LCOR: variants seen among roughly 807,000 people sequenced by gnomAD.
LCOR encodes the protein ligand dependent nuclear receptor corepressor, also known as ligand-dependent corepressor.
A neutral mutation model predicts 64.4 loss-of-function variants in LCOR; 14 were observed. The ratio of observed to expected loss-of-function variants is 0.22; its 90% CI spans 0.14 to 0.34. The LOEUF is 0.34. Ranked by LOEUF, LCOR falls within the 10% of genes least tolerant of loss-of-function variation. LCOR has a pLI of 1.00. For synonymous variants in LCOR, 643 were observed against 642.5 expected (o/e 1.00, Z -0.01); for missense variants, 1,686 against 1,765.3 (o/e 0.96, Z 0.80).
intron 4 of LCOR, among the ~76,000 whole-genome samples, chr10:96,911,144 C>CTGGGA (rs1320388500): frequency 2.2e-5 from 3 of 137,148 alleles, no homozygotes; most frequent in Non-Finnish European, 3.0e-5. Flanking sequence ...GTTGCCCAGG[C>CTGGGA]TGGGGTGCAG....
At chr10:96,979,101 T>A (rs996259540) in intron 7 of LCOR, among the ~76,000 whole-genome samples, 73 of 152,254 alleles carry the variant, frequency 4.8e-4, no homozygotes, top group Non-Finnish European at 2.5e-4. Flanking sequence ...GGTGGGAAGG[T>A]AGGAGGTGAT....
rs376583425 is a variant in LCOR at position 96,906,308 on chromosome 10, G to T, written c.-329-957G>T. On this transcript the variant is annotated intron_variant, in intron 2 of 7. Coordinates refer to ENST00000421806, the MANE Select transcript of LCOR (RefSeq NM_001346516.2). ...TGCACAAGACGTTAATTTCGAGGCC[G>T]CACTGAGAGTGCATATGGATTCATA... Among the ~76,000 whole-genome samples, 3 of 152,234 alleles carry T rather than the reference G, an allele frequency of 2.0e-5. No individual in the cohort carries two copies. In the South Asian group the frequency reaches 6.2e-4, roughly 32 times the overall value.
In LCOR at chr10:96,984,017, G is replaced by C; in HGVS notation, c.3557G>C (p.Trp1186Ser). The change falls in exon 8 of 8, where the codon TGG becomes TCG. Residue 1186 changes from tryptophan to serine, a missense_variant. By Grantham distance (177) the Trp-to-Ser change is radical. Around this residue, in one of 3 missense-constraint regions of LCOR, gnomAD observed 1,293 missense variants for 1,410.4 expected, o/e 0.92. Transcript: ENST00000421806. ...TTTAAATTATCTAATGTTTGTAAAT[G>C]GTTCTTAGAGACAACTGAAACCCGG... Reference protein sequence around the residue: ...TNFKLSNVCKWFLETTETRSL... With the variant: ...TNFKLSNVCKSFLETTETRSL... The C allele has an allele frequency of 6.2e-7, 1 of 1,614,106 alleles. No homozygotes were observed. The highest frequency in any genetic ancestry group is 1.1e-5 in the South Asian group (1 of 91,046).
chr10:96,949,098 C>CA lies in LCOR; in HGVS notation c.47dup (p.Asn16LysfsTer2). On this transcript the variant is annotated frameshift_variant, in exon 6 of 8. Transcript: ENST00000421806. LOFTEE classifies it high-confidence loss of function. ...CAACAATTTGCTGCTGAATATACCT[C>CA]AAAAAATAGCTCTACTCAGGACCCC... The CA allele has an allele frequency of 6.2e-7, 1 of 1,613,904 alleles. No individual in the cohort carries two copies. Among genetic ancestry groups the CA allele is most frequent in the South Asian group, 1.1e-5 (1 of 91,078 alleles).
intron 2 of LCOR, among the ~76,000 whole-genome samples, chr10:96,895,890 C>G (rs1846528554): frequency 6.6e-6 from 1 of 152,138 alleles, no homozygotes; most frequent in Non-Finnish European, 1.5e-5. Context: ...TGAGACCAGC[C>G]TGGGCAACAT....
intron 2 of LCOR, among the ~76,000 whole-genome samples, chr10:96,872,327 A>T (rs1010024316): frequency 6.6e-6 from 1 of 152,244 alleles, no homozygotes; most frequent in Non-Finnish European, 1.5e-5. Context: ...AGATTTTAAG[A>T]GTGTCCAAAG....
intron 2 of LCOR, among the ~76,000 whole-genome samples, chr10:96,839,245 A>G (rs966531524): frequency 6.6e-6 from 1 of 152,180 alleles, no homozygotes; most frequent in Non-Finnish European, 1.5e-5. Context: ...AATTGTGTAT[A>G]TATTCTGGAT....
intron 7 of LCOR, among the ~76,000 whole-genome samples, chr10:96,980,172 A>C (rs1848072041): frequency 6.6e-6 from 1 of 152,100 alleles, no homozygotes; most frequent in Non-Finnish European, 1.5e-5. Flanking sequence ...CAAAAAAAAA[A>C]AACTGTAAGT....
chr10:96,968,662 C>T lies in LCOR; in HGVS notation c.333-12131C>T, dbSNP rs540864581. Among the ~76,000 whole-genome samples, 8 of 152,192 alleles carry T rather than the reference C, an allele frequency of 5.3e-5. No homozygotes were observed. In the South Asian group the frequency reaches 1.2e-3, roughly 24 times the overall value. On this transcript the variant is annotated intron_variant, in intron 7 of 7. Coordinates refer to ENST00000421806, the MANE Select transcript of LCOR (RefSeq NM_001346516.2). ...GATTTGATGGGCCTGAGTTTAAATG[C>T]CATGGCTCACTTCTGTAATCCCAGT...
chr10:96,914,715 G>T (rs879783077), intron 4 of LCOR, among the ~76,000 whole-genome samples: 1 of 152,216 alleles, frequency 6.6e-6, no homozygotes, highest in Non-Finnish European at 1.5e-5. Context: ...TTTATCTAAT[G>T]CTCTGAATGG....
chr10:96,850,936 C>T (rs1845712329), intron 2 of LCOR, among the ~76,000 whole-genome samples: 2 of 152,182 alleles, frequency 1.3e-5, no homozygotes, highest in South Asian at 4.1e-4. Flanking sequence ...GATGCAAAGG[C>T]CCCTGTAGGC....
In LCOR at chr10:96,994,545, C is replaced by T. The variant is rs1848227458; in HGVS notation, c.*9411C>T. 1 of 152,158 alleles carries T rather than the reference C, an allele frequency of 6.6e-6. No homozygotes were observed. The highest frequency in any genetic ancestry group is 2.1e-4 in the South Asian group (1 of 4,830). The allele number at this position is 152,158 out of a possible 1,614,324, so 9.4% of individuals were successfully genotyped here. A position where few individuals can be genotyped will look rare whatever the true frequency, so the allele number is the denominator to read the frequency against. The stretch of plus-strand genomic sequence containing the variant: ...ATTTATGATGGTGTTTGGAATTTTT[C>T]ACTAGTGTATTTTTAGACTGAAGTG... On this transcript the variant is annotated 3_prime_UTR_variant, in exon 8 of 8. Transcript: ENST00000421806.
chr10:96,951,820 G>A (rs1480567626), intron 6 of LCOR, among the ~76,000 whole-genome samples: 1 of 151,982 alleles, frequency 6.6e-6, no homozygotes, highest in Non-Finnish European at 1.5e-5. Context: ...TATGTGAACT[G>A]CTATTTCTAG....
intron 7 of LCOR, among the ~76,000 whole-genome samples, chr10:96,970,057 C>G (rs1405891661): frequency 6.9e-6 from 1 of 145,042 alleles, no homozygotes; most frequent in African/African-American, 2.5e-5. Context: ...TCCCAAAATG[C>G]TGGGATTACA....
At chr10:96,917,462 A>T (rs1410155936) in intron 4 of LCOR, among the ~76,000 whole-genome samples, 1 of 152,232 alleles carries the variant, frequency 6.6e-6, no homozygotes, top group African/African-American at 2.4e-5. Flanking sequence ...TCCCATGCTC[A>T]TTCCCATATG....
chr10:96,992,732 C>G lies in LCOR; in HGVS notation c.*7598C>G, dbSNP rs1328899222. On this transcript the variant is annotated 3_prime_UTR_variant, in exon 8 of 8. Transcript: ENST00000421806. ...AGGAAAATGAGCCTTAGTTGTAGCC[C>G]CAAGGAAATCCAAACCCATGCTTGT... is the stretch of plus-strand genomic sequence containing the variant. The G allele has an allele frequency of 6.6e-6, 1 of 152,214 alleles. No individual in the cohort carries two copies. The highest frequency in any genetic ancestry group is 1.9e-4 in the East Asian group (1 of 5,204). The allele number at this position is 152,214 out of a possible 1,614,324, so 9.4% of individuals were successfully genotyped here. A position where few individuals can be genotyped will look rare whatever the true frequency, so the allele number is the denominator to read the frequency against.
At chr10:96,845,690 A>G (rs1845617698) in intron 2 of LCOR, among the ~76,000 whole-genome samples, 1 of 149,920 alleles carries the variant, frequency 6.7e-6, no homozygotes, top group Non-Finnish European at 1.5e-5. Context: ...GATGATGTCG[A>G]TCTCCTGACC....
At chr10:96,933,964 A>G (rs1197497685) in intron 4 of LCOR, among the ~76,000 whole-genome samples, 1 of 152,216 alleles carries the variant, frequency 6.6e-6, no homozygotes, top group African/African-American at 2.4e-5. Context: ...TTGAAGTTCC[A>G]TAGATTGAAG....
At chr10:96,871,173 T>C (rs1238335427) in intron 2 of LCOR, among the ~76,000 whole-genome samples, 1 of 151,726 alleles carries the variant, frequency 6.6e-6, no homozygotes, top group Non-Finnish European at 1.5e-5. Flanking sequence ...CCTCCTGCCT[T>C]AGCCTCTCAA....
Sources: gnomAD v4.1 joint callset for allele counts (sites outside exome capture counted in the v4.1 genomes callset) on GRCh38, gnomAD v4.1.1 for gene constraint, gnomAD v4.1.1 regional missense constraint, MANE v1.5 for transcripts, NCBI Gene and HGNC (gene_info 2026-07-23, HGNC 2026-07-21) for gene names.